Variants in GUCY1A2 observed in about 807,000 individuals in gnomAD.
GUCY1A2 encodes guanylate cyclase 1 soluble subunit alpha 2, also known as guanylate cyclase soluble subunit alpha-2.
Under a neutral mutation model 63.5 loss-of-function variants are expected in GUCY1A2, and 27 were observed. The ratio of observed to expected loss-of-function variants is 0.43; its 90% confidence interval spans 0.31 to 0.59. The LOEUF (loss-of-function observed/expected upper bound fraction) is 0.59, where lower values mean the gene tolerates loss of function less well. GUCY1A2 is among the 20% of genes least tolerant of loss of function. The probability of loss-of-function intolerance (pLI) is 0.11; values close to 1 mark genes in which losing one functional copy is unlikely to be tolerated. For synonymous variants in GUCY1A2, 364 were observed against 343.5 expected (o/e 1.06, Z -0.66); for missense variants, 768 against 913.3 (o/e 0.84, Z 2.05).
At chr11:106,749,305 T>C (rs984502783) in intron 6 of GUCY1A2, among the ~76,000 whole-genome samples, 2 of 152,094 alleles carry the variant, frequency 1.3e-5, no homozygotes, top group Non-Finnish European at 2.9e-5. Context: ...ATAACTGTAA[T>C]GTATGTATTG....
intron 6 of GUCY1A2, among the ~76,000 whole-genome samples, chr11:106,753,423 G>A (rs1863917736): frequency 6.6e-6 from 1 of 152,030 alleles, no homozygotes; most frequent in African/African-American, 2.4e-5. Flanking sequence ...TTTGGTTTTA[G>A]TCATGAAGTC....
chr11:106,869,346 T>C (rs1156390397), intron 4 of GUCY1A2, among the ~76,000 whole-genome samples: 1 of 152,194 alleles, frequency 6.6e-6, no homozygotes, highest in Non-Finnish European at 1.5e-5. Context: ...AGAACATTTT[T>C]GCAATCTGCT....
intron 5 of GUCY1A2, among the ~76,000 whole-genome samples, chr11:106,796,617 G>A (rs1481861820): frequency 6.6e-6 from 1 of 152,130 alleles, no homozygotes; most frequent in Non-Finnish European, 1.5e-5. Context: ...CTCTCTTCTG[G>A]CTTATAGAGT....
chr11:106,936,700 T>G (rs1038355749), intron 4 of GUCY1A2: 15 of 1,517,730 alleles, frequency 9.9e-6, no homozygotes, highest in Middle Eastern at 1.7e-4. Context: ...TGCCCCTCGG[T>G]GACATGCTTG....
chr11:107,012,157 T>G (rs931637348), intron 1 of GUCY1A2, among the ~76,000 whole-genome samples: 4 of 152,174 alleles, frequency 2.6e-5, no homozygotes, highest in African/African-American at 9.7e-5. Flanking sequence ...TATATGTCTG[T>G]GTACACACAT....
chr11:106,735,034 T>C (rs1863565591), intron 6 of GUCY1A2, among the ~76,000 whole-genome samples: 1 of 152,144 alleles, frequency 6.6e-6, no homozygotes, highest in Non-Finnish European at 1.5e-5. Context: ...TATATATATT[T>C]ATGGGGTACA....
At chr11:106,961,886 T>C (rs772915430) in intron 3 of GUCY1A2, among the ~76,000 whole-genome samples, 1 of 152,238 alleles carries the variant, frequency 6.6e-6, no homozygotes, top group Non-Finnish European at 1.5e-5. Flanking sequence ...TTGTTCTAAG[T>C]AGAAATCTCC....
chr11:106,709,173 CTATATATTATA>C (rs1395190740), intron 6 of GUCY1A2, among the ~76,000 whole-genome samples: 11 of 117,316 alleles, frequency 9.4e-5, no homozygotes, highest in African/African-American at 3.7e-4. Flanking sequence ...ATATATATAA[CTATATATTATA>C]TATAACTATA....
rs191337904 is a variant in GUCY1A2 at position 106,958,161 on chromosome 11, G to A, written c.488-17983C>T. Among the ~76,000 whole-genome samples the A allele has an allele frequency of 1.5e-3, 232 of 152,148 alleles. 1 individual carries two copies. The highest frequency in any genetic ancestry group is 2.3e-3 in the Non-Finnish European group (158 of 68,008). On this transcript the variant is annotated intron_variant, in intron 3 of 7. Transcript: ENST00000526355. Reference sequence around the variant, plus strand: ...CTGGAAGATGAAATCTTATGATTACGTATATATTTGTTTAAAGCAGAATTT... The same window carrying A: ...CTGGAAGATGAAATCTTATGATTACATATATATTTGTTTAAAGCAGAATTT...
intron 4 of GUCY1A2, among the ~76,000 whole-genome samples, chr11:106,865,287 T>C (rs1859575962): frequency 6.6e-6 from 1 of 152,102 alleles, no homozygotes; most frequent in Non-Finnish European, 1.5e-5. Context: ...CTCTCTTTTC[T>C]TCTTTATTAG....
intron 6 of GUCY1A2, among the ~76,000 whole-genome samples, chr11:106,739,123 G>T (rs538933680): frequency 2.9e-4 from 44 of 152,204 alleles, no homozygotes; most frequent in African/African-American, 8.2e-4. Context: ...TTGTAAGTTG[G>T]ATTCCTAGGT....
intron 4 of GUCY1A2, among the ~76,000 whole-genome samples, chr11:106,904,516 A>C (rs2119838620): frequency 6.6e-6 from 1 of 152,242 alleles, no homozygotes; most frequent in South Asian, 2.1e-4. Flanking sequence ...GGAGCACTTA[A>C]CAATCAATTT....
intron 6 of GUCY1A2, among the ~76,000 whole-genome samples, chr11:106,731,584 G>C (rs901132406): frequency 2.0e-5 from 3 of 152,104 alleles, no homozygotes; most frequent in Non-Finnish European, 2.9e-5. Flanking sequence ...TAGGAAGAGA[G>C]GACGTCAAAC....
intron 4 of GUCY1A2, among the ~76,000 whole-genome samples, chr11:106,819,519 C>T (rs924323320): frequency 6.6e-6 from 1 of 152,038 alleles, no homozygotes; most frequent in African/African-American, 2.4e-5. Flanking sequence ...AAGGTAAGAC[C>T]CTCCACCAGC....
chr11:106,766,704 C>A (rs932337648), intron 6 of GUCY1A2, among the ~76,000 whole-genome samples: 1 of 152,070 alleles, frequency 6.6e-6, no homozygotes, highest in African/African-American at 2.4e-5. Flanking sequence ...TAGCACATTA[C>A]TGTCTTATGT....
Position 106,675,286 on chromosome 11 carries a change from TA to T in GUCY1A2, c.*12262del, listed in dbSNP as rs1304858005. 11 of 189,630 alleles carry T rather than the reference TA, an allele frequency of 5.8e-5. No homozygotes were observed. Among genetic ancestry groups the T allele is most frequent in the African/African-American group, 1.2e-4 (5 of 41,968 alleles). 11.7% of individuals were successfully genotyped at this position (189,630 alleles called of 1,614,324 possible). On this transcript the variant is annotated 3_prime_UTR_variant, in exon 8 of 8. Transcript: ENST00000526355. ...CAGGAGGACTTTTTTTTTTTTTTTTTAAATAAAGAAAAACCTTTCCATCCAA... is the reference window on the plus strand; with the variant it reads ...CAGGAGGACTTTTTTTTTTTTTTTTTAATAAAGAAAAACCTTTCCATCCAA...
At chr11:106,729,739 A>T (rs1442144161) in intron 6 of GUCY1A2, among the ~76,000 whole-genome samples, 1 of 152,114 alleles carries the variant, frequency 6.6e-6, no homozygotes, top group African/African-American at 2.4e-5. Context: ...CAGGCTAGAA[A>T]GAGTGAAAAT....
At chr11:106,793,420 G>T (rs1864697990) in intron 5 of GUCY1A2, among the ~76,000 whole-genome samples, 1 of 152,038 alleles carries the variant, frequency 6.6e-6, no homozygotes, top group African/African-American at 2.4e-5. Context: ...TAAGGACAAA[G>T]CTCTGTGACA....
rs558971543 is a variant in GUCY1A2 at position 106,934,768 on chromosome 11, G to A, written c.1206+4692C>T. The stretch of plus-strand genomic sequence containing the variant: ...TGAATAACAATGCTATTGCTCTGTC[G>A]CAGGGATGATGTATTTCAAATGCTG... On this transcript the variant is annotated intron_variant, in intron 4 of 7. Transcript: ENST00000526355. Among the ~76,000 whole-genome samples the A allele has an allele frequency of 3.2e-4, 48 of 152,194 alleles. No homozygotes were observed. The South Asian group carries it at 8.9e-3, about 28-fold the overall frequency.
Sources: gnomAD v4.1 joint callset for allele counts (sites outside exome capture counted in the v4.1 genomes callset) on GRCh38, gnomAD v4.1.1 for gene constraint, MANE v1.5 for transcripts, NCBI Gene and HGNC (gene_info 2026-07-23, HGNC 2026-07-21) for gene names.